Variants in FRMPD4 observed in about 807,000 individuals in gnomAD.
The protein encoded by FRMPD4 is FERM and PDZ domain containing 4.
FRMPD4 carries 22 observed loss-of-function variants against 94.1 expected under a neutral mutation model. The observed-to-expected ratio is 0.23, with a 90% CI of 0.17 to 0.33. The LOEUF is 0.33. Ranked by LOEUF, FRMPD4 falls within the 10% of genes least tolerant of loss-of-function variation. The pLI is 1.00. For missense variants in FRMPD4, 1,111 were observed against 1,339.9 expected, an observed-to-expected ratio of 0.83 and a Z score of 2.67; for synonymous variants, 631 against 548.6, an observed-to-expected ratio of 1.15 and a Z score of -2.10.
intron 4 of FRMPD4, among the ~76,000 whole-genome samples, chrX:12,637,331 T>A (rs2059451935): frequency 8.9e-6 from 1 of 112,078 alleles, no homozygotes; most frequent in Non-Finnish European, 1.9e-5. Context: ...GCAGTTCCAT[T>A]TGTCTTTATG....
intron 3 of FRMPD4, among the ~76,000 whole-genome samples, chrX:11,896,839 G>A (rs1159866036): frequency 1.8e-5 from 2 of 111,365 alleles, no homozygotes; most frequent in African/African-American, 6.5e-5. Context: ...AGGTGTCCAC[G>A]AATCCCCTGG....
chrX:12,215,885 G>A (rs1401941964), intron 1 of FRMPD4, among the ~76,000 whole-genome samples: 3 of 112,032 alleles, frequency 2.7e-5, no homozygotes, highest in Non-Finnish European at 5.6e-5. Context: ...ACCTGTTTCT[G>A]TAATAGTTTT....
chrX:12,550,934 G>GTA (rs10573816), intron 2 of FRMPD4, among the ~76,000 whole-genome samples: 1,677 of 106,149 alleles, frequency 0.016, 24 homozygotes, highest in African/African-American at 0.05. Flanking sequence ...ATATGCATAT[G>GTA]TATATATATA....
At chrX:11,947,492 G>T (rs187375091) in intron 3 of FRMPD4, among the ~76,000 whole-genome samples, 59 of 111,942 alleles carry the variant, frequency 5.3e-4, no homozygotes, top group African/African-American at 1.9e-3. Flanking sequence ...AACAAAATGG[G>T]TGGCATAAAG....
intron 2 of FRMPD4, among the ~76,000 whole-genome samples, chrX:12,539,432 A>G (rs2058378830): frequency 9.0e-6 from 1 of 111,718 alleles, no homozygotes. Context: ...CAGGAAATAC[A>G]GAGAACGCCA....
intron 3 of FRMPD4, among the ~76,000 whole-genome samples, chrX:12,129,930 A>G (rs910843284): frequency 9.0e-6 from 1 of 111,706 alleles, no homozygotes; most frequent in African/African-American, 3.3e-5. Context: ...CTTATACTCT[A>G]TTTATTTATA....
At chrX:11,971,788 G>A (rs1418950537) in intron 3 of FRMPD4, among the ~76,000 whole-genome samples, 3 of 112,314 alleles carry the variant, frequency 2.7e-5, no homozygotes, top group Middle Eastern at 9.2e-3. Context: ...GTACCCCTAA[G>A]AAAGAATGAG....
At chrX:12,054,590 T>A (rs990221982) in intron 3 of FRMPD4, among the ~76,000 whole-genome samples, 7 of 111,805 alleles carry the variant, frequency 6.3e-5, no homozygotes, top group African/African-American at 2.3e-4. Flanking sequence ...CTTTGCCTCT[T>A]CTCTCTAGAA....
intron 2 of FRMPD4, among the ~76,000 whole-genome samples, chrX:12,538,116 G>A: frequency 9.0e-6 from 1 of 111,258 alleles, no homozygotes; most frequent in Non-Finnish European, 1.9e-5. Flanking sequence ...TGGAAAATCA[G>A]GTCACTCCCA....
At chrX:11,988,569 A>T (rs908666921) in intron 3 of FRMPD4, among the ~76,000 whole-genome samples, 4 of 111,691 alleles carry the variant, frequency 3.6e-5, no homozygotes, top group African/African-American at 1.3e-4. Flanking sequence ...ACCAACAAGC[A>T]CAGGCAACAA....
At chrX:12,124,259 T>A (rs2055480952) in intron 3 of FRMPD4, among the ~76,000 whole-genome samples, 1 of 112,458 alleles carries the variant, frequency 8.9e-6, no homozygotes, top group Non-Finnish European at 1.9e-5. Flanking sequence ...ATTCTGTACA[T>A]AATTTACTAG....
At position 12,717,679 on chromosome X, in the gene FRMPD4, C is replaced by A; in HGVS notation, c.2853C>A (p.Thr951=). Residue 951 remains threonine, a synonymous_variant, in exon 16 of 17, where the codon ACC becomes ACA. Transcript: ENST00000675598. The part of the protein sequence containing the change: ...EGYHPLAEEQ[T]EFPASKTPAG... ...ACCACCCCCTTGCAGAAGAGCAGAC[C>A]GAGTTCCCGGCCTCCAAGACCCCCG... 1.7e-6 allele frequency: 2 copies of A among 1,211,146 alleles called. No homozygotes were observed. Among genetic ancestry groups the A allele is most frequent in the Non-Finnish European group, 2.2e-6 (2 of 894,760 alleles).
chrX:12,541,869 G>A (rs752077348), intron 2 of FRMPD4, among the ~76,000 whole-genome samples: 1 of 111,866 alleles, frequency 8.9e-6, no homozygotes, highest in Admixed American at 9.5e-5. Context: ...GAATCCAGCA[G>A]CACATCAAAA....
intron 1 of FRMPD4, among the ~76,000 whole-genome samples, chrX:12,155,497 C>G (rs1425047484): frequency 1.1e-5 from 1 of 91,095 alleles, no homozygotes; most frequent in Non-Finnish European, 2.0e-5. Context: ...GTTTTGACAT[C>G]TTTTTGATGT....
intron 3 of FRMPD4, among the ~76,000 whole-genome samples, chrX:11,912,135 G>C (rs764814138): frequency 1.8e-5 from 2 of 111,718 alleles, no homozygotes; most frequent in Admixed American, 9.4e-5. Flanking sequence ...ATTGAAGTTG[G>C]CAGCTGGAAG....
chrX:12,309,412 G>A (rs1483751984), intron 1 of FRMPD4, among the ~76,000 whole-genome samples: 1 of 112,320 alleles, frequency 8.9e-6, no homozygotes, highest in Non-Finnish European at 1.9e-5. Context: ...TAGGTGAGTG[G>A]CACCAAATTA....
chrX:11,979,668 GTTCCCCTCGGAAATGTCTA>G (rs1377445221), intron 3 of FRMPD4, among the ~76,000 whole-genome samples: 2 of 110,787 alleles, frequency 1.8e-5, no homozygotes, highest in African/African-American at 6.6e-5. Context: ...AGTAGGATTT[GTTCCCCTCGGAAATGTCTA>G]TTCATGTCTT....
chrX:11,875,625 A>G (rs1397216996), intron 2 of FRMPD4, among the ~76,000 whole-genome samples: 1 of 111,620 alleles, frequency 9.0e-6, no homozygotes, highest in Non-Finnish European at 1.9e-5. Context: ...AAGGGGACAC[A>G]GTTCACCCAT....
chrX:12,453,237 TC>T (rs2057293558), intron 1 of FRMPD4, among the ~76,000 whole-genome samples: 2 of 111,367 alleles, frequency 1.8e-5, no homozygotes, highest in South Asian at 7.6e-4. Flanking sequence ...TCAGCAACTG[TC>T]CAAAGAGTAC....
Sources: allele counts gnomAD v4.1 joint callset (sites outside exome capture counted in the v4.1 genomes callset), GRCh38; gene constraint gnomAD v4.1.1; transcripts MANE v1.5; gene names NCBI Gene and HGNC (gene_info 2026-07-23, HGNC 2026-07-21).